The following CTNNA2 variants were observed in gnomAD, a reference collection of about 807,000 sequenced individuals.
The protein encoded by CTNNA2 is catenin alpha 2.
Under a neutral mutation model 101.0 loss-of-function variants are expected in CTNNA2, and 42 were observed. The observed-to-expected ratio is 0.42, with a 90% CI of 0.32 to 0.54. The LOEUF is 0.54. Among genes scored for constraint, CTNNA2 ranks in the 20% least tolerant of loss-of-function variants. The probability of loss-of-function intolerance (pLI) is 0.14; values close to 1 mark genes in which losing one functional copy is unlikely to be tolerated. For synonymous variants in CTNNA2, 450 were observed against 456.4 expected (o/e 0.99, Z 0.18); for missense variants, 871 against 1,223.1 (o/e 0.71, Z 4.29).
chr2:80,607,666 A>G (rs1176118588), intron 16 of CTNNA2, among the ~76,000 whole-genome samples: 1 of 151,920 alleles, frequency 6.6e-6, no homozygotes, highest in Non-Finnish European at 1.5e-5. Flanking sequence ...TAAATATTAA[A>G]TTCCAAAAAG....
At chr2:79,967,763 G>A (rs1048821217) in intron 7 of CTNNA2, among the ~76,000 whole-genome samples, 17 of 152,108 alleles carry the variant, frequency 1.1e-4, no homozygotes, top group African/African-American at 3.9e-4. Flanking sequence ...ACAAATACAG[G>A]TACACACATA....
chr2:80,508,194 C>A (rs1223101414), intron 9 of CTNNA2, among the ~76,000 whole-genome samples: 2 of 152,134 alleles, frequency 1.3e-5, no homozygotes, highest in African/African-American at 2.4e-5. Flanking sequence ...GGGCTGGACA[C>A]AGTGGCTCAT....
chr2:79,269,385 CTTT>C (rs1441045392), intron 2 of CTNNA2, among the ~76,000 whole-genome samples: 1 of 152,136 alleles, frequency 6.6e-6, no homozygotes, highest in Non-Finnish European at 1.5e-5. Context: ...ACCAAGTTCA[CTTT>C]TCGTTCTACC....
intron 7 of CTNNA2, among the ~76,000 whole-genome samples, chr2:80,202,625 A>C (rs1707276289): frequency 6.6e-6 from 1 of 152,182 alleles, no homozygotes; most frequent in Non-Finnish European, 1.5e-5. Flanking sequence ...GGCACTTTGG[A>C]ATGTCCATAT....
At chr2:80,460,307 G>T (rs1684320100) in intron 9 of CTNNA2, among the ~76,000 whole-genome samples, 1 of 152,010 alleles carries the variant, frequency 6.6e-6, no homozygotes, top group Admixed American at 6.6e-5. Context: ...CATTTGCATG[G>T]TCTTTGGAGA....
intron 2 of CTNNA2, among the ~76,000 whole-genome samples, chr2:79,213,940 A>G (rs1336308773): frequency 1.3e-5 from 2 of 152,188 alleles, no homozygotes; most frequent in South Asian, 2.1e-4. Flanking sequence ...GCACGCAGAC[A>G]TGAGGGCTAG....
chr2:80,505,048 C>A (rs561221188), intron 9 of CTNNA2, among the ~76,000 whole-genome samples: 1 of 152,160 alleles, frequency 6.6e-6, no homozygotes, highest in Admixed American at 6.6e-5. Context: ...GCATGCCTTA[C>A]GGAGGCTAAT....
rs543746397 is a variant in CTNNA2, at chr2:79,536,653, A to G, written c.-6+23446A>G. Among the ~76,000 whole-genome samples, 32 of 143,948 alleles carry G rather than the reference A, an allele frequency of 2.2e-4. No homozygotes were observed. In the East Asian group the frequency reaches 6.3e-3, roughly 28 times the overall value. 94.4% of individuals were successfully genotyped at this position (143,948 alleles called of 152,430 possible). Reference sequence around the variant, plus strand: ...TGCATTTGCTTTGAGCTCATCCCCTACTCTACTGTCGTCACTTTCACCATG... The same window carrying G: ...TGCATTTGCTTTGAGCTCATCCCCTGCTCTACTGTCGTCACTTTCACCATG... On this transcript the variant is annotated intron_variant, in intron 1 of 18. Coordinates refer to ENST00000402739, the MANE Select transcript of CTNNA2 (RefSeq NM_001282597.3).
At chr2:80,466,491 T>C (rs938496574) in intron 9 of CTNNA2, among the ~76,000 whole-genome samples, 1 of 152,192 alleles carries the variant, frequency 6.6e-6, no homozygotes, top group Non-Finnish European at 1.5e-5. Flanking sequence ...TTCTTTAACA[T>C]ACCAAATAAT....
chr2:80,256,278 C>CT (rs1374312246), intron 7 of CTNNA2, among the ~76,000 whole-genome samples: 1 of 152,106 alleles, frequency 6.6e-6, no homozygotes, highest in African/African-American at 2.4e-5. Flanking sequence ...TACACGGGCT[C>CT]TATCTAGCCA....
At chr2:80,523,275 T>A (rs1344213353) in intron 9 of CTNNA2, among the ~76,000 whole-genome samples, 2 of 152,114 alleles carry the variant, frequency 1.3e-5, no homozygotes, top group Non-Finnish European at 2.9e-5. Flanking sequence ...AGTGAAGTTG[T>A]AAATGCAACA....
chr2:79,592,529 G>A (rs1676931181), intron 1 of CTNNA2, among the ~76,000 whole-genome samples: 1 of 152,014 alleles, frequency 6.6e-6, no homozygotes, highest in Non-Finnish European at 1.5e-5. Flanking sequence ...TGTGGGGGGT[G>A]CTTTTTGTTT....
intron 7 of CTNNA2, chr2:80,313,479 G>T (rs1037456183): frequency 2.6e-5 from 41 of 1,552,154 alleles, no homozygotes; most frequent in Non-Finnish European, 3.4e-5. Flanking sequence ...CTATGGCAGA[G>T]ATGTAAACAA....
chr2:79,916,849 T>C (rs1320660422), intron 7 of CTNNA2, among the ~76,000 whole-genome samples: 2 of 151,964 alleles, frequency 1.3e-5, no homozygotes, highest in Non-Finnish European at 2.9e-5. Flanking sequence ...GGTCTCGATC[T>C]CCTGACCTAG....
chr2:80,384,895 T>C lies in CTNNA2; in HGVS notation c.1057-8316T>C, dbSNP rs185831989. ...TAGTATTTTAAGATCTCTGGTTTAATAAGACCCTTTTCTTTGTAAGTGACA... is the reference window on the plus strand; with the variant it reads ...TAGTATTTTAAGATCTCTGGTTTAACAAGACCCTTTTCTTTGTAAGTGACA... On this transcript the variant is annotated intron_variant, in intron 7 of 18. Transcript: ENST00000402739. 2.6e-5 allele frequency among the ~76,000 whole-genome samples: 4 copies of C among 152,174 alleles called. No individual in the cohort carries two copies. In the East Asian group the frequency reaches 5.8e-4, roughly 22 times the overall value.
In CTNNA2 at chr2:79,535,358, C is replaced by T. The variant is rs1387713953; in HGVS notation, c.-6+22151C>T. On this transcript the variant is annotated intron_variant, in intron 1 of 18. Transcript: ENST00000402739. ...TAGCTGGGATTATAGGCCCCTGCCACCACGCCCAGCTAATTTTTTGTATTT... is the reference window on the plus strand; with the variant it reads ...TAGCTGGGATTATAGGCCCCTGCCATCACGCCCAGCTAATTTTTTGTATTT... Among the ~76,000 whole-genome samples, 4 of 152,108 alleles carry T rather than the reference C, an allele frequency of 2.6e-5. No homozygotes were observed. The South Asian group carries it at 8.3e-4, about 32-fold the overall frequency.
At chr2:80,479,742 T>C (rs1686004471) in intron 9 of CTNNA2, among the ~76,000 whole-genome samples, 2 of 152,176 alleles carry the variant, frequency 1.3e-5, no homozygotes, top group Admixed American at 6.5e-5. Context: ...ACTTAGTCAC[T>C]AGAAAGGGAT....
chr2:79,682,019 G>A (rs1436784659), intron 2 of CTNNA2, among the ~76,000 whole-genome samples: 1 of 152,122 alleles, frequency 6.6e-6, no homozygotes, highest in African/African-American at 2.4e-5. Context: ...AGGGAGGACT[G>A]GATTTCTCTG....
intron 7 of CTNNA2, among the ~76,000 whole-genome samples, chr2:79,914,829 A>G (rs925676556): frequency 2.6e-5 from 4 of 151,910 alleles, no homozygotes; most frequent in Admixed American, 6.6e-5. Flanking sequence ...GGGGTTAACA[A>G]TTTATAAACC....
Sources: gnomAD v4.1 joint callset for allele counts (sites outside exome capture counted in the v4.1 genomes callset) on GRCh38, gnomAD v4.1.1 for gene constraint, MANE v1.5 for transcripts, NCBI Gene and HGNC (gene_info 2026-07-23, HGNC 2026-07-21) for gene names.